Variants in ZNF18 observed in about 807,000 individuals in gnomAD.
The protein encoded by ZNF18 is zinc finger protein 18.
In ZNF18, 42 loss-of-function variants were observed where a neutral mutation model predicts 58.1. The observed-to-expected ratio is 0.72, with a 90% CI of 0.56 to 0.93. ZNF18 has a LOEUF of 0.93. ZNF18 is among the 40% of genes least tolerant of loss of function. ZNF18 has a pLI of 0.00. For missense variants in ZNF18, 540 were observed against 644.2 expected, an observed-to-expected ratio of 0.84 and a Z score of 1.75; for synonymous variants, 231 against 239.8, an observed-to-expected ratio of 0.96 and a Z score of 0.34.
chr17:12,019,665 G>C, the ZNF18 span, among the ~76,000 whole-genome samples: 112 of 152,206 alleles, frequency 7.4e-4, 1 homozygote, highest in African/African-American at 2.6e-3. Flanking sequence ...CCACTTTTAG[G>C]ATCTGAGCCA....
intron 4 of ZNF18, among the ~76,000 whole-genome samples, chr17:11,985,235 C>T (rs1967662455): frequency 6.6e-6 from 1 of 152,198 alleles, no homozygotes; most frequent in Non-Finnish European, 1.5e-5. Flanking sequence ...GAATACCATA[C>T]AGCTAGGGTC....
chr17:12,013,367 A>AT, the ZNF18 span, among the ~76,000 whole-genome samples: 1 of 152,184 alleles, frequency 6.6e-6, no homozygotes, highest in Non-Finnish European at 1.5e-5. Context: ...TGCTAAGAGA[A>AT]TTTTTTAGAA....
At position 11,978,475 on chromosome 17, in the gene ZNF18, G is replaced by A; in HGVS notation, c.1132C>T (p.His378Tyr). The change falls in exon 7 of 7, where the codon CAT becomes TAT. Residue 378 changes from histidine (H) to tyrosine (Y), a missense_variant. Transcript: ENST00000580306. ...CACATGGTGGACATTTCTCCTGAAT[G>A]AGGATTAGGCAAATGCTGACCTAGT... Reference protein sequence around the residue: ...KQLGQHLPNPHSGEMSTMWLE... With the variant: ...KQLGQHLPNPYSGEMSTMWLE... 1 of 1,590,864 alleles carries A rather than the reference G, an allele frequency of 6.3e-7. No individual in the cohort carries two copies. The highest frequency in any genetic ancestry group is 8.6e-7 in the Non-Finnish European group (1 of 1,169,082).
At chr17:12,003,092 C>T in the ZNF18 span, among the ~76,000 whole-genome samples, 5 of 152,210 alleles carry the variant, frequency 3.3e-5, no homozygotes, top group South Asian at 2.1e-4. Context: ...ATGGTAACTG[C>T]TTTTCTCTAG....
In ZNF18 at chr17:11,992,496, C is replaced by A. The variant is rs749997258; in HGVS notation, c.334G>T (p.Ala112Ser). The A allele has an allele frequency of 6.2e-7, 1 of 1,614,220 alleles. No individual in the cohort carries two copies. Among genetic ancestry groups the A allele is most frequent in the Non-Finnish European group, 8.5e-7 (1 of 1,180,030 alleles). Residue 112 changes from alanine (A) to serine (S), a missense_variant, in exon 2 of 7, where the codon GCA (alanine) becomes TCA (serine). Ala to Ser is a moderately conservative substitution (Grantham distance 99). Transcript: ENST00000580306. Reference protein sequence around the residue: ...RKQCPGSGEEAVTLVESLKGD... With the variant: ...RKQCPGSGEESVTLVESLKGD... ...TTCAAGCTTTCCACAAGGGTCACTGCCTCTTCTCCACTTCCTGGACACTGT... is the reference window on the plus strand; with the variant it reads ...TTCAAGCTTTCCACAAGGGTCACTGACTCTTCTCCACTTCCTGGACACTGT...
intron 1 of ZNF18, 47 bp from the exon 2 acceptor site, chr17:11,992,958 T>C: frequency 2.6e-6 from 3 of 1,147,026 alleles, no homozygotes; most frequent in Non-Finnish European, 3.6e-6. Flanking sequence ...AGGGGACACA[T>C]TTTCAGAAAG....
the ZNF18 span, among the ~76,000 whole-genome samples, chr17:12,019,419 T>A: frequency 3.3e-5 from 5 of 152,040 alleles, no homozygotes; most frequent in African/African-American, 1.2e-4. Flanking sequence ...TAAATTCTTA[T>A]TAAAGGCCAG....
At chr17:11,983,061 C>T (rs910279262) in intron 6 of ZNF18, among the ~76,000 whole-genome samples, 1 of 152,172 alleles carries the variant, frequency 6.6e-6, no homozygotes, top group Non-Finnish European at 1.5e-5. Flanking sequence ...AGATTAAAGG[C>T]AGCAGGTCTG....
Position 11,983,284 on chromosome 17 carries a change from A to G in ZNF18, c.862+13T>C. 6.3e-7 allele frequency: 1 copy of G among 1,589,400 alleles called. No individual in the cohort carries two copies. The highest frequency in any genetic ancestry group is 1.7e-5 in the Admixed American group (1 of 59,948). On this transcript the variant is annotated intron_variant, in intron 6 of 6. Transcript: ENST00000580306. ...AGTCAGAAATGATTCCAGACCAATG[A>G]AAGATTACTCACCTATGCAGGTGGG...
upstream of ZNF18, among the ~76,000 whole-genome samples, chr17:12,001,168 A>C (rs1292422999): frequency 6.6e-6 from 1 of 152,202 alleles, no homozygotes; most frequent in East Asian, 1.9e-4. Context: ...ATCTCCACTA[A>C]AGAGGAGCTT....
chr17:12,005,045 T>A, the ZNF18 span, among the ~76,000 whole-genome samples: 1 of 151,028 alleles, frequency 6.6e-6, no homozygotes, highest in African/African-American at 2.4e-5. Flanking sequence ...ACACTAAGTT[T>A]AAATACGTGT....
At chr17:12,010,813 T>C in the ZNF18 span, 8 of 421,016 alleles carry the variant, frequency 1.9e-5, no homozygotes, top group East Asian at 3.1e-4. Flanking sequence ...GAAGTGTGCT[T>C]TTCTGGGCAG....
At chr17:12,014,477 C>CAT in the ZNF18 span, among the ~76,000 whole-genome samples, 1 of 152,098 alleles carries the variant, frequency 6.6e-6, no homozygotes, top group Non-Finnish European at 1.5e-5. Flanking sequence ...AACATTGATA[C>CAT]ATGGTACAAC....
the ZNF18 span, chr17:12,020,920 T>G: frequency 8.4e-7 from 1 of 1,183,896 alleles, no homozygotes; most frequent in Non-Finnish European, 1.0e-6. Flanking sequence ...CGGCGGCGGC[T>G]CCGGGGGCGG....
chr17:11,986,408 C>CCAAAAACT (rs1209666385), intron 4 of ZNF18, among the ~76,000 whole-genome samples: 5 of 152,066 alleles, frequency 3.3e-5, no homozygotes, highest in East Asian at 1.9e-4. Flanking sequence ...AAAAGAGATA[C>CCAAAAACT]CAAAAACTGT....
At chr17:11,982,657 AGTGT>A (rs143602913) in intron 6 of ZNF18, among the ~76,000 whole-genome samples, 13,406 of 136,680 alleles carry the variant, frequency 0.098, 800 homozygotes, top group African/African-American at 0.18. Flanking sequence ...TATATATAAA[AGTGT>A]GTGTGTGTGT....
chr17:12,018,796 G>A, the ZNF18 span, among the ~76,000 whole-genome samples: 3 of 152,050 alleles, frequency 2.0e-5, no homozygotes, highest in African/African-American at 7.2e-5. Flanking sequence ...AGCAATGCAA[G>A]TATATGTCAG....
At chr17:11,990,597 C>A (rs1968053210) in intron 3 of ZNF18, 47 bp from the exon 4 acceptor site, 2 of 1,498,276 alleles carry the variant, frequency 1.3e-6, no homozygotes, top group Admixed American at 3.7e-5. Flanking sequence ...TCTTCCTTAA[C>A]CACTCCCCAG....
upstream of ZNF18, among the ~76,000 whole-genome samples, chr17:11,997,848 C>G (rs1490996605): frequency 6.6e-6 from 1 of 152,186 alleles, no homozygotes; most frequent in Non-Finnish European, 1.5e-5. Flanking sequence ...TGCCATTATC[C>G]CTGATTCTTA....
Sources: allele counts gnomAD v4.1 joint callset (sites outside exome capture counted in the v4.1 genomes callset), GRCh38; gene constraint gnomAD v4.1.1; transcripts MANE v1.5; gene names NCBI Gene and HGNC (gene_info 2026-07-23, HGNC 2026-07-21).